Variants in KPNA6 observed in about 807,000 individuals in gnomAD.
The protein encoded by KPNA6 is importin subunit alpha-7.
In KPNA6, 9 loss-of-function variants were observed where a neutral mutation model predicts 72.0. The ratio of observed to expected loss-of-function variants is 0.13; its 90% confidence interval spans 0.08 to 0.22. KPNA6 has a LOEUF of 0.22. KPNA6 is among the 10% of genes least tolerant of loss of function. The pLI is 1.00. For synonymous variants in KPNA6, 219 were observed against 242.1 expected, an observed-to-expected ratio of 0.90 and a Z score of 0.89; for missense variants, 374 against 655.7, an observed-to-expected ratio of 0.57 and a Z score of 4.69.
At chr1:32,144,078 GTT>G (rs1641888789) in intron 1 of KPNA6, among the ~76,000 whole-genome samples, 1 of 152,110 alleles carries the variant, frequency 6.6e-6, no homozygotes, top group African/African-American at 2.4e-5. Context: ...CTATGATGAA[GTT>G]TAATTTGTAA....
intron 11 of KPNA6, 23 bp from the exon 12 acceptor site, chr1:32,167,146 G>A: frequency 6.2e-7 from 1 of 1,610,122 alleles, no homozygotes; most frequent in East Asian, 2.2e-5. Context: ...CCTTCCATCT[G>A]CCTCCTCTCA....
In KPNA6 at chr1:32,108,117, C is replaced by G. The variant is rs369816810; in HGVS notation, c.-14C>G. On this transcript the variant is annotated 5_prime_UTR_variant, in exon 1 of 14. Coordinates refer to ENST00000373625, the MANE Select transcript of KPNA6 (RefSeq NM_012316.5). ...CGTTGCCTCCGCCGCCAAGAGTGAG[C>G]GAGCGGACCCGCGATGGGTGAGTGA... The G allele has an allele frequency of 1.2e-5, 19 of 1,613,932 alleles. No individual in the cohort carries two copies. In the South Asian group the frequency reaches 1.2e-4, roughly 10 times the overall value.
intron 1 of KPNA6, among the ~76,000 whole-genome samples, chr1:32,139,871 G>T (rs546730951): frequency 1.3e-5 from 2 of 152,124 alleles, no homozygotes; most frequent in Non-Finnish European, 2.9e-5. Flanking sequence ...GATGGTTAGT[G>T]TATGAGATTC....
chr1:32,110,240 T>A (rs1197125448), intron 1 of KPNA6, among the ~76,000 whole-genome samples: 8 of 151,688 alleles, frequency 5.3e-5, no homozygotes, highest in Non-Finnish European at 8.8e-5. Context: ...AATTTTTGTA[T>A]TTTTAGTAGA....
intron 1 of KPNA6, among the ~76,000 whole-genome samples, chr1:32,116,797 GC>G (rs1023353778): frequency 6.6e-6 from 1 of 152,122 alleles, no homozygotes; most frequent in South Asian, 2.1e-4. Context: ...ACATGCAACT[GC>G]CCCTTTCACT....
chr1:32,145,856 A>G (rs1309473370), intron 1 of KPNA6, among the ~76,000 whole-genome samples: 1 of 152,224 alleles, frequency 6.6e-6, no homozygotes, highest in African/African-American at 2.4e-5. Flanking sequence ...AAATCAGGAC[A>G]TATGAGTCTT....
At chr1:32,154,553 C>CA in intron 1 of KPNA6, 35 bp from the exon 2 acceptor site, 1 of 1,606,150 alleles carries the variant, frequency 6.2e-7, no homozygotes, top group Non-Finnish European at 8.5e-7. Context: ...GCTGTCCTCT[C>CA]AAGAGTTTTT....
chr1:32,159,857 A>G (rs888492780), intron 6 of KPNA6, among the ~76,000 whole-genome samples: 1 of 152,216 alleles, frequency 6.6e-6, no homozygotes, highest in African/African-American at 2.4e-5. Context: ...CCATTGGAAA[A>G]AAGACACCAC....
chr1:32,156,552 C>G (rs905216527), intron 2 of KPNA6, among the ~76,000 whole-genome samples: 1 of 152,170 alleles, frequency 6.6e-6, no homozygotes, highest in African/African-American at 2.4e-5. Flanking sequence ...TGTTCACATC[C>G]TGGGCCAGAC....
chr1:32,118,997 C>CATATATATATATAT (rs71578197), intron 1 of KPNA6, among the ~76,000 whole-genome samples: 25 of 59,822 alleles, frequency 4.2e-4, no homozygotes, highest in Admixed American at 5.7e-4. Flanking sequence ...TGTGTGTATA[C>CATATATATATATAT]ATATATATAT....
chr1:32,161,295 A>G (rs1642233185), intron 7 of KPNA6, among the ~76,000 whole-genome samples: 1 of 152,202 alleles, frequency 6.6e-6, no homozygotes, highest in Non-Finnish European at 1.5e-5. Flanking sequence ...CCACCTGGAA[A>G]AATCCAACCT....
In KPNA6 at chr1:32,170,949, C is replaced by T; in HGVS notation, c.*55C>T. The T allele has an allele frequency of 3.3e-6, 5 of 1,531,008 alleles. No individual in the cohort carries two copies. The highest frequency in any genetic ancestry group is 1.4e-5 in the African/African-American group (1 of 73,296). 94.8% of individuals were successfully genotyped at this position (1,531,008 alleles called of 1,614,324 possible). A position where few individuals can be genotyped will look rare whatever the true frequency, so the allele number is the denominator to read the frequency against. On this transcript the variant is annotated 3_prime_UTR_variant, in exon 14 of 14. Transcript: ENST00000373625. ...GAAGCACCACCAGCCAGCGGAAGAG[C>T]AGCCCTCTGGTGGGCGGGAAACCAG...
Position 32,167,202 on chromosome 1 carries a change from A to G in KPNA6, c.1150A>G (p.Ile384Val). The G allele has an allele frequency of 6.2e-7, 1 of 1,614,106 alleles. No individual in the cohort carries two copies. The highest frequency in any genetic ancestry group is 8.5e-7 in the Non-Finnish European group (1 of 1,180,016). Residue 384 changes from isoleucine to valine, a missense_variant, in exon 12 of 14, where the codon ATC becomes GTC. Ile to Val is a conservative substitution (Grantham distance 29, BLOSUM62 3). Around this residue, in one of 3 missense-constraint regions of KPNA6, gnomAD observed 298 missense variants for 495.4 expected, o/e 0.60. Coordinates refer to ENST00000373625, the MANE Select transcript of KPNA6 (RefSeq NM_012316.5). ...AGATGCAAATATCTTCCCTGTGTTG[A>G]TCGAAATCCTTCAGAAAGCAGAGTT... is the stretch of plus-strand genomic sequence containing the variant. ...VIDANIFPVL[I>V]EILQKAEFRT... is the part of the protein sequence containing the mutation.
rs984541225 is a variant in KPNA6, at chr1:32,153,431, C to T, written c.5-1157C>T. The stretch of plus-strand genomic sequence containing the variant: ...AAATACAAAAATTAGCCGTATTAGG[C>T]GTGGTGGCAGGCACCTGTAGTCCCA... On this transcript the variant is annotated intron_variant, in intron 1 of 13. Transcript: ENST00000373625. Among the ~76,000 whole-genome samples the T allele has an allele frequency of 4.0e-5, 6 of 151,516 alleles. No individual in the cohort carries two copies. In the East Asian group the frequency reaches 5.9e-4, roughly 15 times the overall value.
rs1288276266 is a variant in KPNA6, at chr1:32,135,665, A to G, written c.5-18923A>G. Among the ~76,000 whole-genome samples, 5 of 148,468 alleles carry G rather than the reference A, an allele frequency of 3.4e-5. No homozygotes were observed. The East Asian group carries it at 8.0e-4, about 24-fold the overall frequency. ...TTTTTTTTTTTAGAGGCAGGGTCTAATTATTTTGCCCAGACTAGTCTTGAC... is the reference window on the plus strand; with the variant it reads ...TTTTTTTTTTTAGAGGCAGGGTCTAGTTATTTTGCCCAGACTAGTCTTGAC... On this transcript the variant is annotated intron_variant, in intron 1 of 13. Coordinates refer to ENST00000373625, the MANE Select transcript of KPNA6 (RefSeq NM_012316.5).
intron 10 of KPNA6, among the ~76,000 whole-genome samples, chr1:32,165,737 C>T (rs1642320393): frequency 6.6e-6 from 1 of 151,954 alleles, no homozygotes; most frequent in Admixed American, 6.6e-5. Flanking sequence ...GTGGCTCACA[C>T]CTGTAATCCC....
chr1:32,170,571 G>C, intron 13 of KPNA6, 136 bp from the exon 14 acceptor site: 1 of 693,822 alleles, frequency 1.4e-6, no homozygotes, highest in African/African-American at 1.8e-5. Flanking sequence ...TCCCCTTTCA[G>C]GTCCAAGAGT....
In KPNA6 at chr1:32,167,255, C is replaced by T; in HGVS notation, c.1203C>T (p.Ala401=). 6.2e-7 allele frequency: 1 copy of T among 1,614,102 alleles called. No individual in the cohort carries two copies. Among genetic ancestry groups the T allele is most frequent in the Non-Finnish European group, 8.5e-7 (1 of 1,179,986 alleles). ...EFRTRKEAAW[A]ITNATSGGTP... is the part of the protein sequence containing the mutation. ...GTACAAGGAAAGAGGCAGCCTGGGCCATCACCAATGCCACATCAGGAGGAA... is the reference window on the plus strand; with the variant it reads ...GTACAAGGAAAGAGGCAGCCTGGGCTATCACCAATGCCACATCAGGAGGAA... The change falls in exon 12 of 14, where the codon GCC becomes GCT. Residue 401 remains alanine (A), a synonymous_variant. Transcript: ENST00000373625.
At chr1:32,141,375 CTTTTTT>C (rs71006334) in intron 1 of KPNA6, among the ~76,000 whole-genome samples, 12 of 54,438 alleles carry the variant, frequency 2.2e-4, no homozygotes, top group Non-Finnish European at 3.6e-4. Flanking sequence ...TAAGTTAATC[CTTTTTT>C]TTTTTTTTTT....
Sources: gnomAD v4.1 joint callset for allele counts (sites outside exome capture counted in the v4.1 genomes callset) on GRCh38, gnomAD v4.1.1 for gene constraint, gnomAD v4.1.1 regional missense constraint, MANE v1.5 for transcripts, NCBI Gene and HGNC (gene_info 2026-07-23, HGNC 2026-07-21) for gene names.